POLRMT: variants seen among roughly 807,000 people sequenced by gnomAD.
POLRMT encodes DNA-directed RNA polymerase, mitochondrial.
Under a neutral mutation model 132.2 loss-of-function variants are expected in POLRMT, and 114 were observed. The observed-to-expected ratio is 0.86, with a 90% confidence interval of 0.74 to 1.01. The LOEUF (loss-of-function observed/expected upper bound fraction) is 1.01, where lower values mean the gene tolerates loss of function less well. POLRMT is among the 50% of genes least tolerant of loss of function. POLRMT has a pLI of 0.00. For missense variants in POLRMT, 2,003 were observed against 1,729.1 expected (o/e 1.16, Z -2.81); for synonymous variants, 1,020 against 773.4 (o/e 1.32, Z -5.29).
Position 618,526 on chromosome 19 carries a change from G to A in POLRMT, c.3384C>T (p.Asp1128=). ...GFPPNFIHSL[D]SSHMMLTALH... is the part of the protein sequence containing the mutation. ...GGGCGGTGAGCATCATGTGGGAGGAGTCCAGCGAGTGGATGAAGTTGGGCG... is the reference window on the plus strand; with the variant it reads ...GGGCGGTGAGCATCATGTGGGAGGAATCCAGCGAGTGGATGAAGTTGGGCG... The change falls in exon 17 of 21, where the codon GAC becomes GAT. Residue 1128 remains aspartate (D), a synonymous_variant. Coordinates refer to ENST00000588649, the MANE Select transcript of POLRMT (RefSeq NM_005035.4). 1.2e-6 allele frequency: 2 copies of A among 1,613,220 alleles called. No individual in the cohort carries two copies. The highest frequency in any genetic ancestry group is 8.5e-7 in the Non-Finnish European group (1 of 1,179,486).
chr19:617,677 C>G (rs770557680), intron 18 of POLRMT, 22 bp from the exon 19 acceptor site: 2 of 1,612,352 alleles, frequency 1.2e-6, no homozygotes, highest in Admixed American at 3.3e-5. Flanking sequence ...TCAGAGGATC[C>G]CCAGGGGTGA....
Position 625,390 on chromosome 19 carries a change from C to T in POLRMT, c.823-136G>A, listed in dbSNP as rs527971982. 134 of 1,141,890 alleles carry T rather than the reference C, an allele frequency of 1.2e-4. 2 individuals are homozygous for T. The South Asian group carries it at 2.0e-3, about 17-fold the overall frequency. The allele number at this position is 1,141,890 out of a possible 1,614,324, so 70.7% of individuals were successfully genotyped here. A position where few individuals can be genotyped will look rare whatever the true frequency, so the allele number is the denominator to read the frequency against. ...CACCAGGCAGGAGTGGCCAGCTGGGCAGACCGATGCATCCCCCTGAGGTTC... is the reference window on the plus strand; with the variant it reads ...CACCAGGCAGGAGTGGCCAGCTGGGTAGACCGATGCATCCCCCTGAGGTTC... On this transcript the variant is annotated intron_variant, in intron 3 of 20. Coordinates refer to ENST00000588649, the MANE Select transcript of POLRMT (RefSeq NM_005035.4).
At position 633,469 on chromosome 19, in the gene POLRMT, C is replaced by G. The variant is rs1366133966; in HGVS notation, c.44G>C (p.Arg15Pro). 6.4e-7 allele frequency: 1 copy of G among 1,560,896 alleles called. No homozygotes were observed. Among genetic ancestry groups the G allele is most frequent in the Admixed American group, 1.7e-5 (1 of 57,364 alleles). The change falls in exon 1 of 21, where the codon CGA becomes CCA. Residue 15 changes from arginine to proline, a missense_variant. Arg to Pro is a moderately radical substitution (Grantham distance 103, BLOSUM62 -2). Transcript: ENST00000588649. Reference protein sequence around the residue: ...CWGRGAAGLKRALRPCGRPGL... With the variant: ...CWGRGAAGLKPALRPCGRPGL... Reference sequence around the variant, plus strand: ...CGGGCGGCCGCAAGGCCGTAGGGCTCGTTTGAGCCCCGCCGCTCCGCGGCC... The same window carrying G: ...CGGGCGGCCGCAAGGCCGTAGGGCTGGTTTGAGCCCCGCCGCTCCGCGGCC...
Position 629,747 on chromosome 19 carries a change from A to G in POLRMT, c.615T>C (p.Asp205=), listed in dbSNP as rs749813246. 10 of 1,571,580 alleles carry G rather than the reference A, an allele frequency of 6.4e-6. No homozygotes were observed. The highest frequency in any genetic ancestry group is 4.5e-5 in the East Asian group (2 of 44,214). The change falls in exon 3 of 21, where the codon GAT becomes GAC. Residue 205 remains aspartate, a synonymous_variant. Transcript: ENST00000588649. ...LQEAPGKLSL[D]VEQAPSGQHS... is the part of the protein sequence containing the mutation. Reference sequence around the variant, plus strand: ...GCTGCCCCGACGGGGCCTGCTCCACATCGAGGCTCAGCTTCCCAGGGGCCT... The same window carrying G: ...GCTGCCCCGACGGGGCCTGCTCCACGTCGAGGCTCAGCTTCCCAGGGGCCT...
At position 617,828 on chromosome 19, in the gene POLRMT, A is replaced by T. The variant is rs765354862; in HGVS notation, c.3444T>A (p.Ser1148=). Residue 1148 remains serine (S), a synonymous_variant, in exon 18 of 21, where the codon TCT becomes TCA. Transcript: ENST00000588649. ...CGTGAGTCCAGTAACAGTCGTGCAC[A>T]GAGACGAAGGTCAGGCCCTTCCTGT... ...HCYRKGLTFV[S]VHDCYWTHAA... is the part of the protein sequence containing the mutation. 1 of 1,613,326 alleles carries T rather than the reference A, an allele frequency of 6.2e-7. No individual in the cohort carries two copies. The highest frequency in any genetic ancestry group is 1.7e-5 in the Admixed American group (1 of 60,014).
chr19:619,706 T>C lies in POLRMT; in HGVS notation c.2946A>G (p.Glu982=), dbSNP rs1984349901. Residue 982 remains glutamate, a synonymous_variant, in exon 13 of 21, where the codon GAA becomes GAG. Transcript: ENST00000588649. ...TCACCACCTTGCGGGTGATGAAACC[T>C]TCCAGCACCTGTGCCACCCGCATGC... The part of the protein sequence containing the change: ...QRGMRVAQVL[E]GFITRKVVKQ... The C allele has an allele frequency of 6.2e-7, 1 of 1,607,206 alleles. No homozygotes were observed. The highest frequency in any genetic ancestry group is 8.5e-7 in the Non-Finnish European group (1 of 1,177,366).
At position 632,823 on chromosome 19, in the gene POLRMT, G is replaced by A. The variant is rs1242510338; in HGVS notation, c.193+11C>T. The A allele has an allele frequency of 2.6e-6, 4 of 1,531,290 alleles. No homozygotes were observed. The highest frequency in any genetic ancestry group is 3.5e-6 in the Non-Finnish European group (4 of 1,141,018). The allele number at this position is 1,531,290 out of a possible 1,614,324, so 94.9% of individuals were successfully genotyped here. ...TCTCCTCTCCCGGGCCGCCGTGGGG[G>A]TCGCGCTCACCCTCCAGCAGCTCCA... On this transcript the variant is annotated intron_variant, in intron 2 of 20. Transcript: ENST00000588649.
intron 5 of POLRMT, 136 bp from the exon 6 acceptor site, chr19:623,739 G>A (rs1019711404): frequency 1.9e-6 from 2 of 1,079,380 alleles, no homozygotes; most frequent in South Asian, 1.5e-5. Context: ...GCGGGGAAAG[G>A]CGGGCTGCGG....
intron 3 of POLRMT, among the ~76,000 whole-genome samples, chr19:628,779 C>T (rs1402285848): frequency 6.6e-6 from 1 of 152,074 alleles, no homozygotes; most frequent in African/African-American, 2.4e-5. Context: ...CTCAGGGGGG[C>T]AGATCACGAG....
chr19:618,213 G>C (rs1984166644), intron 17 of POLRMT: 6 of 551,268 alleles, frequency 1.1e-5, no homozygotes, highest in South Asian at 9.2e-5. Flanking sequence ...ACGTGCTCCA[G>C]ATCTAACCAC....
At position 633,391 on chromosome 19, in the gene POLRMT, C is replaced by A. The variant is rs536089445; in HGVS notation, c.88+34G>T. On this transcript the variant is annotated intron_variant, in intron 1 of 20. Coordinates refer to ENST00000588649, the MANE Select transcript of POLRMT (RefSeq NM_005035.4). ...CGCGGGGAGGAGCCCACGCCGTGGC[C>A]CCCGGGCTGCCTGGCCGTCTCCCTT... is the stretch of plus-strand genomic sequence containing the variant. 101 of 1,484,274 alleles carry A rather than the reference C, an allele frequency of 6.8e-5. No individual in the cohort carries two copies. In the African/African-American group the frequency reaches 1.2e-3, roughly 18 times the overall value. The allele number at this position is 1,484,274 out of a possible 1,614,324, so 91.9% of individuals were successfully genotyped here.
intron 6 of POLRMT, 48 bp from the exon 7 acceptor site, chr19:623,033 C>T: frequency 1.3e-6 from 2 of 1,595,004 alleles, no homozygotes; most frequent in Non-Finnish European, 8.5e-7. Context: ...GCTGGTGGGA[C>T]CCAGGCTCAC....
At chr19:631,676 A>T (rs1392477377) in intron 2 of POLRMT, among the ~76,000 whole-genome samples, 1 of 152,162 alleles carries the variant, frequency 6.6e-6, no homozygotes, top group Non-Finnish European at 1.5e-5. Flanking sequence ...GACAAGCGTG[A>T]TGTCCGCCTT....
intron 3 of POLRMT, among the ~76,000 whole-genome samples, chr19:627,968 G>A (rs965290496): frequency 4.0e-5 from 6 of 150,160 alleles, no homozygotes; most frequent in Non-Finnish European, 5.9e-5. Flanking sequence ...CCTTAGCCTG[G>A]CTAACATGCT....
intron 2 of POLRMT, 54 bp from the exon 3 acceptor site, chr19:630,222 C>A: frequency 6.6e-7 from 1 of 1,524,160 alleles, no homozygotes; most frequent in Non-Finnish European, 8.8e-7. Context: ...CATTCGAGCA[C>A]CCGTCTCTCT....
chr19:619,127 G>T lies in POLRMT; in HGVS notation c.3154-17C>A, dbSNP rs112813184. 1.9e-6 allele frequency: 3 copies of T among 1,610,874 alleles called. No individual in the cohort carries two copies. Among genetic ancestry groups the T allele is most frequent in the South Asian group, 1.1e-5 (1 of 91,014 alleles). On this transcript the variant is annotated splice_polypyrimidine_tract_variant and intron_variant, in intron 14 of 20. Coordinates refer to ENST00000588649, the MANE Select transcript of POLRMT (RefSeq NM_005035.4). ...CAGCCAGTGCTGTGGGACACAGGCC[G>T]TCTCAGGGCAGGGGGCTCAGGCCGG...
rs779962515 is a variant in POLRMT at position 629,573 on chromosome 19, C to A, written c.789G>T (p.Met263Ile). 57 of 1,576,806 alleles carry A rather than the reference C, an allele frequency of 3.6e-5. No individual in the cohort carries two copies. The highest frequency in any genetic ancestry group is 1.1e-4 in the Admixed American group (6 of 55,168). Residue 263 changes from methionine (M) to isoleucine (I), a missense_variant, in exon 3 of 21, where the codon ATG becomes ATT. Met to Ile is a conservative substitution (Grantham distance 10). Transcript: ENST00000588649. ...CCCAGCCAAGCATCACGGCGTTGTACATGTCCAGCGTGAGCAGCTTCCGCT... is the reference window on the plus strand; with the variant it reads ...CCCAGCCAAGCATCACGGCGTTGTAAATGTCCAGCGTGAGCAGCTTCCGCT... ...RQKRKLLTLD[M>I]YNAVMLGWAR...
chr19:632,813 C>T (rs376328941), intron 2 of POLRMT, 21 bp downstream of exon 2: 46 of 1,528,402 alleles, frequency 3.0e-5, no homozygotes, highest in African/African-American at 5.6e-5. Context: ...TCTCCCGGGC[C>T]GCCGTGGGGG....
chr19:633,332 G>A, intron 1 of POLRMT, 93 bp downstream of exon 1: 1 of 1,349,160 alleles, frequency 7.4e-7, no homozygotes, highest in Non-Finnish European at 9.6e-7. Context: ...CAGGTGCAAA[G>A]AGGCAAAGGT....
Sources: gnomAD v4.1 joint callset for allele counts (sites outside exome capture counted in the v4.1 genomes callset) on GRCh38, gnomAD v4.1.1 for gene constraint, MANE v1.5 for transcripts, NCBI Gene and HGNC (gene_info 2026-07-23, HGNC 2026-07-21) for gene names.